GHR: variants seen among roughly 807,000 people sequenced by gnomAD.
GHR encodes GH receptor.
A neutral mutation model predicts 67.1 loss-of-function variants in GHR; 35 were observed. The observed-to-expected ratio is 0.52, with a 90% CI of 0.40 to 0.69. The LOEUF is 0.69. Among genes scored for constraint, GHR ranks in the 30% least tolerant of loss-of-function variants. The probability of loss-of-function intolerance (pLI) is 0.00; values close to 1 mark genes in which losing one functional copy is unlikely to be tolerated. For missense variants in GHR, 792 were observed against 764.6 expected, an observed-to-expected ratio of 1.04 and a Z score of -0.42; for synonymous variants, 272 against 269.1, an observed-to-expected ratio of 1.01 and a Z score of -0.10.
At chr5:42,465,515 G>T in intron 1 of GHR, 2 of 1,546,376 alleles carry the variant, frequency 1.3e-6, no homozygotes, top group Non-Finnish European at 1.8e-6. Flanking sequence ...GTCTGCCACT[G>T]GATGATGTTC....
chr5:42,474,349 A>AGAAAGAAAGAAAAGAAAT, intron 1 of GHR, among the ~76,000 whole-genome samples: 1 of 146,624 alleles, frequency 6.8e-6, no homozygotes, highest in African/African-American at 2.5e-5. Flanking sequence ...AAAGAAATAA[A>AGAAAGAAAGAAAAGAAAT]GAAAGAAAGC....
At chr5:42,707,536 T>A (rs1051256533) in intron 6 of GHR, among the ~76,000 whole-genome samples, 1 of 151,510 alleles carries the variant, frequency 6.6e-6, no homozygotes, top group African/African-American at 2.4e-5. Flanking sequence ...AATGTGTAGA[T>A]TGGCTTGGGC....
chr5:42,546,992 T>A (rs534067155), intron 1 of GHR, among the ~76,000 whole-genome samples: 1 of 152,360 alleles, frequency 6.6e-6, no homozygotes, highest in Middle Eastern at 3.4e-3. Context: ...TATGGACCAC[T>A]GAGTTTAGTT....
chr5:42,576,465 T>C (rs1485635889), intron 2 of GHR, among the ~76,000 whole-genome samples: 2 of 152,226 alleles, frequency 1.3e-5, no homozygotes, highest in Non-Finnish European at 2.9e-5. Context: ...GAATTACCAA[T>C]AGGCTAATTG....
At chr5:42,672,776 A>G (rs1478746906) in intron 3 of GHR, among the ~76,000 whole-genome samples, 1 of 152,196 alleles carries the variant, frequency 6.6e-6, no homozygotes, top group Non-Finnish European at 1.5e-5. Context: ...TACAAACTAT[A>G]AGAATGTAAT....
chr5:42,468,556 T>G, intron 1 of GHR: 2 of 877,706 alleles, frequency 2.3e-6, no homozygotes, highest in Admixed American at 4.7e-5. Context: ...CCCTTATTCC[T>G]TCTTTCTTAA....
At chr5:42,563,188 T>C (rs1446357780) in intron 1 of GHR, among the ~76,000 whole-genome samples, 1 of 152,154 alleles carries the variant, frequency 6.6e-6, no homozygotes, top group Non-Finnish European at 1.5e-5. Flanking sequence ...TGCGTGGGAA[T>C]TGGGGATTTA....
intron 5 of GHR, among the ~76,000 whole-genome samples, chr5:42,696,810 A>G (rs1579630194): frequency 6.6e-6 from 1 of 152,322 alleles, no homozygotes; most frequent in East Asian, 1.9e-4. Context: ...ATCTTTTGCA[A>G]TCACACTTTA....
At chr5:42,581,177 G>A (rs933781596) in intron 2 of GHR, among the ~76,000 whole-genome samples, 3 of 152,166 alleles carry the variant, frequency 2.0e-5, no homozygotes, top group Admixed American at 6.5e-5. Flanking sequence ...GAGTCAGAAC[G>A]GAATTGAAAA....
At chr5:42,680,667 G>T (rs1344062627) in intron 3 of GHR, among the ~76,000 whole-genome samples, 1 of 151,790 alleles carries the variant, frequency 6.6e-6, no homozygotes, top group South Asian at 2.1e-4. Flanking sequence ...ACCAGACCTG[G>T]CTAATTTTTG....
chr5:42,430,036 T>A (rs1230110386), intron 1 of GHR, among the ~76,000 whole-genome samples: 1 of 152,214 alleles, frequency 6.6e-6, no homozygotes, highest in Non-Finnish European at 1.5e-5. Context: ...ATCTACTTTT[T>A]CTCAGGAGGT....
intron 1 of GHR, among the ~76,000 whole-genome samples, chr5:42,445,320 A>G (rs1743760868): frequency 6.6e-6 from 1 of 152,218 alleles, no homozygotes; most frequent in Non-Finnish European, 1.5e-5. Flanking sequence ...TTATGAGGGA[A>G]CTATGATATA....
intron 1 of GHR, among the ~76,000 whole-genome samples, chr5:42,470,881 C>T (rs546795848): frequency 3.3e-5 from 5 of 152,266 alleles, no homozygotes; most frequent in Admixed American, 6.5e-5. Flanking sequence ...ACCTGCTTTT[C>T]CATTTTTCCT....
In GHR at chr5:42,672,146, A is replaced by G. The variant is rs371655791; in HGVS notation, c.137-16744A>G. ...CAGTACTTGAAGTGCTAGCCAGAGC[A>G]ATCAGGTAAAAGAAAGAAATAAAAG... is the stretch of plus-strand genomic sequence containing the variant. On this transcript the variant is annotated intron_variant, in intron 3 of 9. Coordinates refer to ENST00000230882, the MANE Select transcript of GHR (RefSeq NM_000163.5). Among the ~76,000 whole-genome samples the G allele has an allele frequency of 3.9e-5, 6 of 152,154 alleles. No individual in the cohort carries two copies. The East Asian group carries it at 7.7e-4, about 20-fold the overall frequency.
At chr5:42,511,207 G>A (rs1353285130) in intron 1 of GHR, among the ~76,000 whole-genome samples, 2 of 152,026 alleles carry the variant, frequency 1.3e-5, no homozygotes, top group Non-Finnish European at 2.9e-5. Flanking sequence ...AAGTCCTCAC[G>A]GATTTCTTCT....
intron 1 of GHR, among the ~76,000 whole-genome samples, chr5:42,472,968 G>A (rs1353928785): frequency 6.6e-6 from 1 of 152,164 alleles, no homozygotes; most frequent in Admixed American, 6.5e-5. Context: ...CCTTAAGATT[G>A]GGTGAATTGC....
In GHR at chr5:42,719,612, T is replaced by C; in HGVS notation, c.*188T>C. 1.6e-6 allele frequency: 1 copy of C among 631,956 alleles called. No homozygotes were observed. The highest frequency in any genetic ancestry group is 2.9e-6 in the Non-Finnish European group (1 of 350,178). 39.1% of individuals were successfully genotyped at this position (631,956 alleles called of 1,614,324 possible). On this transcript the variant is annotated 3_prime_UTR_variant, in exon 10 of 10. Transcript: ENST00000230882. ...AAAATAAGAAGAATGCTTAATCAGA[T>C]AGATATTCCTATTGTGCAATGTAAA...
At chr5:42,529,859 T>C (rs1448215018) in intron 1 of GHR, among the ~76,000 whole-genome samples, 1 of 152,164 alleles carries the variant, frequency 6.6e-6, no homozygotes, top group East Asian at 1.9e-4. Flanking sequence ...CAGTCATTCT[T>C]CCCTGAATTT....
In GHR at chr5:42,613,073, A is replaced by G. The variant is rs1472214454; in HGVS notation, c.71-15965A>G. ...GATAGAGATGTTTCAAATTCTACATAAATGCATAATATTATTTCTGATTGT... is the reference window on the plus strand; with the variant it reads ...GATAGAGATGTTTCAAATTCTACATGAATGCATAATATTATTTCTGATTGT... On this transcript the variant is annotated intron_variant, in intron 2 of 9. Coordinates refer to ENST00000230882, the MANE Select transcript of GHR (RefSeq NM_000163.5). Among the ~76,000 whole-genome samples, 4 of 152,262 alleles carry G rather than the reference A, an allele frequency of 2.6e-5. No homozygotes were observed. The East Asian group carries it at 7.7e-4, about 29-fold the overall frequency.
Sources: allele counts gnomAD v4.1 joint callset (sites outside exome capture counted in the v4.1 genomes callset), GRCh38; gene constraint gnomAD v4.1.1; transcripts MANE v1.5; gene names NCBI Gene and HGNC (gene_info 2026-07-23, HGNC 2026-07-21).